Variants in NUP214 observed in about 807,000 individuals in gnomAD.
The protein encoded by NUP214 is nucleoporin 214.
In NUP214, 79 loss-of-function variants were observed where a neutral mutation model predicts 196.2. The ratio of observed to expected loss-of-function variants is 0.40; its 90% CI spans 0.34 to 0.49. The LOEUF (loss-of-function observed/expected upper bound fraction) is 0.49. Among genes scored for constraint, NUP214 ranks in the 20% least tolerant of loss-of-function variants. The pLI is 0.58. For missense variants in NUP214, 2,468 were observed against 2,539.0 expected (o/e 0.97, Z 0.60); for synonymous variants, 1,020 against 990.5 (o/e 1.03, Z -0.56).
At chr9:131,186,169 C>T (rs993349391) in intron 24 of NUP214, among the ~76,000 whole-genome samples, 3 of 152,162 alleles carry the variant, frequency 2.0e-5, no homozygotes, top group Non-Finnish European at 4.4e-5. Flanking sequence ...AACACTGTAT[C>T]TGTATTGCCT....
intron 29 of NUP214, among the ~76,000 whole-genome samples, 175 bp from the exon 30 acceptor site, chr9:131,201,472 G>C (rs1833936340): frequency 6.6e-6 from 1 of 151,702 alleles, no homozygotes; most frequent in Non-Finnish European, 1.5e-5. Flanking sequence ...GGCTGAGGCA[G>C]GAGAATCGCT....
intron 21 of NUP214, among the ~76,000 whole-genome samples, chr9:131,169,379 A>G (rs1390033662): frequency 6.6e-6 from 1 of 152,152 alleles, no homozygotes; most frequent in East Asian, 1.9e-4. Flanking sequence ...AAGGTGGTGC[A>G]TGCCTGTAAT....
chr9:131,159,471 A>G lies in NUP214; in HGVS notation c.2525A>G (p.Gln842Arg), dbSNP rs1157279904. Residue 842 changes from glutamine to arginine, a missense_variant, in exon 18 of 36, where the codon CAA becomes CGA. Gln to Arg is a conservative substitution (Grantham distance 43, BLOSUM62 1). Coordinates refer to ENST00000359428, the MANE Select transcript of NUP214 (RefSeq NM_005085.4). ...LDLEWDQHLE[Q>R]KKKQRHLLVP... ...TTGGAGTGGGATCAGCATCTGGAAC[A>G]AAAGAAAAAACAAAGGTGAATGAGA... 2.5e-6 allele frequency: 4 copies of G among 1,613,272 alleles called. No homozygotes were observed. Among genetic ancestry groups the G allele is most frequent in the African/African-American group, 2.7e-5 (2 of 75,064 alleles).
chr9:131,154,324 A>G (rs1253314372), intron 17 of NUP214, among the ~76,000 whole-genome samples: 1 of 152,106 alleles, frequency 6.6e-6, no homozygotes, highest in Non-Finnish European at 1.5e-5. Context: ...TGCACCCATC[A>G]TCCAAGCAGT....
rs759727290 is a variant in NUP214 at position 131,198,155 on chromosome 9, C to T, written c.4661C>T (p.Ala1554Val). Residue 1554 changes from alanine to valine, a missense_variant, in exon 29 of 36, where the codon GCA becomes GTA. Ala to Val is a moderately conservative substitution (Grantham distance 64). Around this residue, in one of 5 missense-constraint regions of NUP214, gnomAD observed 1,801 missense variants for 1,779.4 expected, o/e 1.01. Coordinates refer to ENST00000359428, the MANE Select transcript of NUP214 (RefSeq NM_005085.4). ...AQPAVSNSGT[A>V]ASSTSLVALS... The stretch of plus-strand genomic sequence containing the variant: ...CCTGCAGTCAGCAACTCTGGCACTG[C>T]AGCATCTAGTACTAGTCTTGTAGCA... 3.1e-6 allele frequency: 5 copies of T among 1,614,236 alleles called. No homozygotes were observed. The highest frequency in any genetic ancestry group is 3.3e-5 in the Admixed American group (2 of 60,028).
intron 30 of NUP214, among the ~76,000 whole-genome samples, chr9:131,213,791 G>GTTGTTGTTGTT (rs549300685): frequency 2.3e-3 from 41 of 17,688 alleles, no homozygotes; most frequent in South Asian, 0.023. Context: ...TTGTTGTTAA[G>GTTGTTGTTGTT]AAATTTAAAG....
At chr9:131,161,667 G>A (rs1564190665) in intron 18 of NUP214, among the ~76,000 whole-genome samples, 1 of 152,156 alleles carries the variant, frequency 6.6e-6, no homozygotes, top group Non-Finnish European at 1.5e-5. Flanking sequence ...AAATCCAGAG[G>A]TTTCTGTTTA....
chr9:131,157,626 A>G (rs1484671993), intron 17 of NUP214, among the ~76,000 whole-genome samples: 1 of 151,392 alleles, frequency 6.6e-6, no homozygotes, highest in Admixed American at 6.6e-5. Flanking sequence ...CACCACTCCC[A>G]GCTAATTTTT....
chr9:131,196,554 A>G (rs979360451), intron 28 of NUP214, among the ~76,000 whole-genome samples: 9 of 152,184 alleles, frequency 5.9e-5, no homozygotes, highest in African/African-American at 1.9e-4. Context: ...AGCACAATGA[A>G]GGTAGGTATT....
chr9:131,223,731 T>TTTTATTTTA (rs1834640641), intron 32 of NUP214, among the ~76,000 whole-genome samples: 1 of 5,048 alleles, frequency 2.0e-4, no homozygotes. Flanking sequence ...TTATTTATTT[T>TTTTATTTTA]TTTTTTTTTT....
intron 16 of NUP214, 85 bp downstream of exon 16, chr9:131,150,850 T>C: frequency 7.6e-7 from 1 of 1,310,658 alleles, no homozygotes; most frequent in Non-Finnish European, 1.0e-6. Flanking sequence ...ATGTACTTTA[T>C]TTCTTCAAGG....
intron 17 of NUP214, among the ~76,000 whole-genome samples, chr9:131,154,174 TTC>T (rs995851173): frequency 6.6e-6 from 1 of 152,216 alleles, no homozygotes; most frequent in African/African-American, 2.4e-5. Context: ...AAATTACATT[TTC>T]TCTTTTTCAG....
intron 32 of NUP214, among the ~76,000 whole-genome samples, chr9:131,223,188 G>A (rs1379632151): frequency 6.7e-6 from 1 of 150,080 alleles, no homozygotes; most frequent in Non-Finnish European, 1.5e-5. Context: ...TTTTTTGTGA[G>A]AGGGAGTCTC....
intron 17 of NUP214, among the ~76,000 whole-genome samples, chr9:131,158,756 A>G (rs1832534488): frequency 6.6e-6 from 1 of 152,150 alleles, no homozygotes; most frequent in South Asian, 2.1e-4. Flanking sequence ...TTAAGCAAGA[A>G]CATTTGTTCC....
chr9:131,149,123 C>T (rs1377662610), intron 14 of NUP214, among the ~76,000 whole-genome samples: 1 of 149,366 alleles, frequency 6.7e-6, no homozygotes. Flanking sequence ...TATGTCTTTT[C>T]CTTTCTGTGT....
chr9:131,204,664 G>A (rs553993394), intron 30 of NUP214, among the ~76,000 whole-genome samples: 2 of 152,184 alleles, frequency 1.3e-5, no homozygotes, highest in South Asian at 2.1e-4. Flanking sequence ...CGAAATGAAA[G>A]ATACAAAAGA....
chr9:131,145,005 C>A (rs866007828), intron 12 of NUP214, among the ~76,000 whole-genome samples: 2 of 152,046 alleles, frequency 1.3e-5, no homozygotes, highest in African/African-American at 4.8e-5. Flanking sequence ...ATTTGTTTTG[C>A]TTTTTTACGT....
In NUP214 at chr9:131,150,699, G is replaced by C. The variant is rs1196957839; in HGVS notation, c.2211G>C (p.Met737Ile). Residue 737 changes from methionine to isoleucine, a missense_variant, in exon 16 of 36, where the codon ATG (methionine) becomes ATC (isoleucine). Transcript: ENST00000359428. Reference sequence around the variant, plus strand: ...TCCAAGTGGGCACTTCTGAGGAGATGAAGATGCTGCGAACAGAATCAGATG... The same window carrying C: ...TCCAAGTGGGCACTTCTGAGGAGATCAAGATGCTGCGAACAGAATCAGATG... ...ACFQVGTSEE[M>I]KMLRTESDDL... 1 of 1,614,218 alleles carries C rather than the reference G, an allele frequency of 6.2e-7. No individual in the cohort carries two copies. The highest frequency in any genetic ancestry group is 1.6e-4 in the Middle Eastern group (1 of 6,062).
chr9:131,219,383 T>C (rs769393756), intron 31 of NUP214, among the ~76,000 whole-genome samples: 2 of 152,218 alleles, frequency 1.3e-5, no homozygotes, highest in African/African-American at 4.8e-5. Flanking sequence ...TAGAGAGTTA[T>C]TTGAGCAGTC....
Sources: gnomAD v4.1 joint callset for allele counts (sites outside exome capture counted in the v4.1 genomes callset) on GRCh38, gnomAD v4.1.1 for gene constraint, gnomAD v4.1.1 regional missense constraint, MANE v1.5 for transcripts, NCBI Gene and HGNC (gene_info 2026-07-23, HGNC 2026-07-21) for gene names.